The following PTPRN2 variants were observed in gnomAD, a reference collection of about 807,000 sequenced individuals.
The protein encoded by PTPRN2 is protein tyrosine phosphatase receptor type N2.
A neutral mutation model predicts 118.8 loss-of-function variants in PTPRN2; 74 were observed. That is an observed-to-expected ratio of 0.62 (90% confidence interval 0.52 to 0.76). The LOEUF is 0.76. Ranked by LOEUF, PTPRN2 falls within the 30% of genes least tolerant of loss-of-function variation. PTPRN2 has a pLI of 0.00. For missense variants in PTPRN2, 1,481 were observed against 1,394.4 expected (o/e 1.06, Z -0.99); for synonymous variants, 641 against 608.0 (o/e 1.05, Z -0.80).
chr7:158,197,028 A>ATGTG (rs139447211), intron 4 of PTPRN2, among the ~76,000 whole-genome samples: 3 of 151,914 alleles, frequency 2.0e-5, no homozygotes, highest in South Asian at 4.2e-4. Flanking sequence ...ATATACATGT[A>ATGTG]TGTGTGTGTG....
intron 11 of PTPRN2, among the ~76,000 whole-genome samples, chr7:157,920,477 C>T (rs1366616207): frequency 2.6e-5 from 4 of 152,172 alleles, no homozygotes; most frequent in African/African-American, 9.7e-5. Flanking sequence ...ACACCAAGGC[C>T]CCCCATGTTG....
intron 9 of PTPRN2, among the ~76,000 whole-genome samples, chr7:158,117,828 C>T (rs916835043): frequency 1.3e-5 from 2 of 151,540 alleles, no homozygotes; most frequent in East Asian, 3.9e-4. Flanking sequence ...AACAAAATTG[C>T]ACTTCAAAAG....
At chr7:157,776,405 C>T (rs1406323282) in intron 12 of PTPRN2, among the ~76,000 whole-genome samples, 3 of 131,062 alleles carry the variant, frequency 2.3e-5, no homozygotes, top group Non-Finnish European at 4.9e-5. Context: ...CCATCTCCTC[C>T]TCCTCCTCCT....
chr7:158,331,021 C>G (rs7808023), intron 2 of PTPRN2, among the ~76,000 whole-genome samples: 1 of 91,110 alleles, frequency 1.1e-5, no homozygotes, highest in Non-Finnish European at 2.3e-5. Flanking sequence ...TCACTCACAT[C>G]CACACTCTCA....
chr7:158,007,459 G>T (rs549379298), intron 11 of PTPRN2, among the ~76,000 whole-genome samples: 3 of 152,278 alleles, frequency 2.0e-5, no homozygotes, highest in African/African-American at 7.2e-5. Flanking sequence ...GTGATCACAG[G>T]GTGTGACAGT....
chr7:158,539,961 T>C (rs1825888056), intron 1 of PTPRN2: 1 of 239,100 alleles, frequency 4.2e-6, no homozygotes, highest in Non-Finnish European at 8.3e-6. Context: ...GACGGTGCAC[T>C]GTGAACCTGG....
At chr7:157,748,706 A>G (rs1261168446) in intron 12 of PTPRN2, among the ~76,000 whole-genome samples, 29 of 72,564 alleles carry the variant, frequency 4.0e-4, no homozygotes, top group East Asian at 1.4e-3. Context: ...TGGGCTGTTG[A>G]GGTGATTCTG....
intron 3 of PTPRN2, among the ~76,000 whole-genome samples, chr7:158,267,057 G>C (rs911897321): frequency 3.9e-5 from 6 of 152,252 alleles, no homozygotes; most frequent in Non-Finnish European, 7.3e-5. Context: ...GTCGTCTCCA[G>C]TGACTGGCAC....
chr7:158,063,873 C>T (rs531671291), intron 11 of PTPRN2, among the ~76,000 whole-genome samples: 90 of 152,264 alleles, frequency 5.9e-4, no homozygotes, highest in African/African-American at 2.0e-3. Flanking sequence ...AAGGCAACCA[C>T]GACAAAACCT....
intron 2 of PTPRN2, among the ~76,000 whole-genome samples, chr7:158,346,313 C>A (rs750698283): frequency 2.0e-5 from 3 of 152,142 alleles, no homozygotes; most frequent in Non-Finnish European, 4.4e-5. Context: ...TGGCCTCTGG[C>A]GACCTCAGTT....
At chr7:158,056,446 C>G (rs1437266833) in intron 11 of PTPRN2, among the ~76,000 whole-genome samples, 4 of 152,252 alleles carry the variant, frequency 2.6e-5, no homozygotes, top group Non-Finnish European at 5.9e-5. Flanking sequence ...TTGGGAAAAA[C>G]ACATTTGTAA....
At chr7:158,134,985 C>G (rs577921375) in intron 8 of PTPRN2, among the ~76,000 whole-genome samples, 1 of 152,270 alleles carries the variant, frequency 6.6e-6, no homozygotes, top group Admixed American at 6.5e-5. Flanking sequence ...ACCCCTGGGC[C>G]GCACTGCCCT....
At chr7:157,728,592 C>G (rs527295747) in intron 12 of PTPRN2, among the ~76,000 whole-genome samples, 113 of 152,322 alleles carry the variant, frequency 7.4e-4, no homozygotes, top group African/African-American at 2.5e-3. Flanking sequence ...ACACTCTTAA[C>G]TTATCCACAG....
intron 13 of PTPRN2, among the ~76,000 whole-genome samples, chr7:157,659,744 T>C (rs1708329774): frequency 6.6e-6 from 1 of 151,974 alleles, no homozygotes; most frequent in Admixed American, 6.6e-5. Flanking sequence ...CTTTATTTTT[T>C]ATTTTTATTT....
At chr7:157,640,058 A>G (rs1023348919) in intron 14 of PTPRN2, among the ~76,000 whole-genome samples, 1 of 152,248 alleles carries the variant, frequency 6.6e-6, no homozygotes, top group African/African-American at 2.4e-5. Context: ...ATCTGGAATT[A>G]TAGAACCCAC....
intron 11 of PTPRN2, among the ~76,000 whole-genome samples, chr7:158,011,262 A>G (rs762840414): frequency 6.6e-6 from 1 of 152,242 alleles, no homozygotes; most frequent in African/African-American, 2.4e-5. Flanking sequence ...CATAGAAAGA[A>G]GGGGAAATTT....
intron 14 of PTPRN2, among the ~76,000 whole-genome samples, chr7:157,631,116 T>G (rs961377320): frequency 6.6e-6 from 1 of 152,168 alleles, no homozygotes; most frequent in East Asian, 1.9e-4. Context: ...CCTTGAAAAC[T>G]GTTCTCCCTG....
chr7:158,364,448 G>A (rs902868295), intron 2 of PTPRN2, among the ~76,000 whole-genome samples: 3 of 149,702 alleles, frequency 2.0e-5, no homozygotes, highest in Non-Finnish European at 3.0e-5. Flanking sequence ...TCCTCACTTC[G>A]TATTCAGGTA....
Position 157,627,519 on chromosome 7 carries a change from G to A in PTPRN2, c.2197-6010C>T, listed in dbSNP as rs913157272. Among the ~76,000 whole-genome samples the A allele has an allele frequency of 1.3e-5, 2 of 152,200 alleles. No individual in the cohort carries two copies. The highest frequency in any genetic ancestry group is 4.8e-5 in the African/African-American group (2 of 41,436). ...CCTGATCCTTAGGAAGCGTTTGGAG[G>A]TGTGTCTTTCGTCTTTTAGAGCTGC... On this transcript the variant is annotated intron_variant, in intron 14 of 22. Coordinates refer to ENST00000389418, the MANE Select transcript of PTPRN2 (RefSeq NM_002847.5). The surrounding 1 kb of genome is among the most constrained non-coding windows in gnomAD (Gnocchi z 4.2).
Sources: gnomAD v4.1 joint callset for allele counts (sites outside exome capture counted in the v4.1 genomes callset) on GRCh38, gnomAD v4.1.1 for gene constraint, Gnocchi (gnomAD v3.1) non-coding constraint, MANE v1.5 for transcripts, NCBI Gene and HGNC (gene_info 2026-07-23, HGNC 2026-07-21) for gene names.